The following ABI3BP variants were observed in gnomAD, a reference collection of about 807,000 sequenced individuals.
The protein encoded by ABI3BP is ABI family member 3 binding protein.
ABI3BP carries 216 observed loss-of-function variants against 268.6 expected under a neutral mutation model. The observed-to-expected ratio is 0.80, with a 90% CI of 0.72 to 0.90. The LOEUF is 0.90. Ranked by LOEUF, ABI3BP falls within the 40% of genes least tolerant of loss-of-function variation. The pLI, the probability that ABI3BP is intolerant of heterozygous loss-of-function variation, is 0.00. For missense variants in ABI3BP, 2,090 were observed against 2,182.4 expected (o/e 0.96, Z 0.84); for synonymous variants, 730 against 730.0 (o/e 1.00, Z 0.00).
At chr3:100,914,653 A>G (rs1299451402) in intron 2 of ABI3BP, among the ~76,000 whole-genome samples, 3 of 152,186 alleles carry the variant, frequency 2.0e-5, no homozygotes. Flanking sequence ...GAGCCTCTAC[A>G]TATGAAATGG....
At chr3:100,822,416 A>C (rs2098256808) in intron 38 of ABI3BP, among the ~76,000 whole-genome samples, 173 bp downstream of exon 38, 1 of 152,222 alleles carries the variant, frequency 6.6e-6, no homozygotes, top group Admixed American at 6.5e-5. Context: ...GTTGCTCCAC[A>C]GATCTCCTAA....
chr3:100,887,603 C>T (rs1232954726), intron 4 of ABI3BP, among the ~76,000 whole-genome samples: 2 of 152,036 alleles, frequency 1.3e-5, no homozygotes, highest in Non-Finnish European at 2.9e-5. Flanking sequence ...ATGATGGAAA[C>T]ATACGCATTG....
chr3:100,872,285 T>C (rs1198596007), intron 9 of ABI3BP, among the ~76,000 whole-genome samples: 1 of 152,230 alleles, frequency 6.6e-6, no homozygotes, highest in East Asian at 1.9e-4. Context: ...TCTGGACTTT[T>C]AGTGAATCAT....
intron 51 of ABI3BP, among the ~76,000 whole-genome samples, chr3:100,803,339 C>A (rs1449105958): frequency 7.2e-6 from 1 of 138,224 alleles, no homozygotes. Flanking sequence ...TTTTTTTCTG[C>A]CAAAAGTGGT....
At chr3:100,870,146 A>G (rs2099095988) in intron 9 of ABI3BP, among the ~76,000 whole-genome samples, 1 of 152,184 alleles carries the variant, frequency 6.6e-6, no homozygotes, top group Non-Finnish European at 1.5e-5. Context: ...TTCTCCCTTC[A>G]TGGCATAAAG....
At chr3:100,938,500 C>T (rs191922033) in intron 1 of ABI3BP, among the ~76,000 whole-genome samples, 64 of 152,170 alleles carry the variant, frequency 4.2e-4, no homozygotes, top group Non-Finnish European at 1.9e-4. Context: ...AATGAAGAAT[C>T]ACTGTGAAGA....
intron 1 of ABI3BP, among the ~76,000 whole-genome samples, chr3:100,986,877 T>C (rs1421803787): frequency 2.0e-5 from 3 of 152,192 alleles, no homozygotes; most frequent in Non-Finnish European, 4.4e-5. Flanking sequence ...TCTTTTAAAA[T>C]GTTATTTTAA....
At chr3:100,905,133 C>T (rs987873516) in intron 2 of ABI3BP, among the ~76,000 whole-genome samples, 1 of 152,014 alleles carries the variant, frequency 6.6e-6, no homozygotes, top group Non-Finnish European at 1.5e-5. Context: ...AAGCTGGAAA[C>T]CATCATTCTC....
chr3:100,840,655 T>C (rs11713619), intron 22 of ABI3BP, among the ~76,000 whole-genome samples, 165 bp downstream of exon 22: 13,680 of 152,180 alleles, frequency 0.09, 730 homozygotes, highest in East Asian at 0.15. Context: ...ATACAGTTTA[T>C]AAACTATACC....
At chr3:100,840,725 A>G in intron 22 of ABI3BP, 95 bp downstream of exon 22, 1 of 1,122,906 alleles carries the variant, frequency 8.9e-7, no homozygotes, top group Non-Finnish European at 1.3e-6. Context: ...ACAAAGGGAC[A>G]TTAATGTATT....
intron 1 of ABI3BP, among the ~76,000 whole-genome samples, chr3:100,927,382 C>T (rs1196473843): frequency 6.6e-6 from 1 of 152,102 alleles, no homozygotes; most frequent in African/African-American, 2.4e-5. Flanking sequence ...CCTTATCTTC[C>T]TGGTTTCTAA....
chr3:100,846,541 A>G (rs2098771123), intron 19 of ABI3BP, 95 bp from the exon 20 acceptor site: 1 of 800,880 alleles, frequency 1.2e-6, no homozygotes, highest in East Asian at 2.7e-5. Context: ...TAAACTATAC[A>G]TTAAATGGAA....
chr3:100,792,589 G>T, intron 55 of ABI3BP, 102 bp downstream of exon 55: 2 of 1,177,108 alleles, frequency 1.7e-6, no homozygotes, highest in Non-Finnish European at 2.5e-6. Context: ...AAAAAGTCAA[G>T]TAATCCACTG....
chr3:100,753,826 T>A lies in ABI3BP; in HGVS notation c.4953A>T (p.Pro1651=). The A allele has an allele frequency of 6.2e-7, 1 of 1,611,356 alleles. No homozygotes were observed. The part of the protein sequence containing the change: ...TESADPRVSE[P]VSAGRDAIWT... ...ATTGAGACAGGTACTTACCAGAAAC[T>A]GGCTCACTCACTCTTGGGTCCGCTG... Residue 1651 remains proline (P), a synonymous_variant, in exon 65 of 68, where the codon CCA becomes CCT. Coordinates refer to ENST00000471714, the MANE Select transcript of ABI3BP (RefSeq NM_001375547.2).
At chr3:100,943,798 A>C (rs1027933277) in intron 1 of ABI3BP, among the ~76,000 whole-genome samples, 1 of 152,056 alleles carries the variant, frequency 6.6e-6, no homozygotes, top group Non-Finnish European at 1.5e-5. Flanking sequence ...TACATCTTCC[A>C]GTTGTCTTCA....
chr3:100,877,984 A>G (rs2099180175), intron 6 of ABI3BP, among the ~76,000 whole-genome samples: 3 of 152,274 alleles, frequency 2.0e-5, no homozygotes, highest in South Asian at 2.1e-4. Flanking sequence ...TAAGGTTCTT[A>G]TGTTTTAAAA....
rs952065270 is a variant in ABI3BP at position 100,869,797 on chromosome 3, A to G, written c.911-2841T>C. On this transcript the variant is annotated intron_variant, in intron 9 of 67. Transcript: ENST00000471714. ...ACAACTGCAATCTTGGCAATAGGAAAGTAAAATGCAATCAGAACACAGCCT... is the reference window on the plus strand; with the variant it reads ...ACAACTGCAATCTTGGCAATAGGAAGGTAAAATGCAATCAGAACACAGCCT... Among the ~76,000 whole-genome samples the G allele has an allele frequency of 3.3e-5, 5 of 152,322 alleles. No homozygotes were observed. In the East Asian group the frequency reaches 7.7e-4, roughly 23 times the overall value.
chr3:100,812,577 A>G, intron 45 of ABI3BP, 54 bp from the exon 46 acceptor site: 32 of 1,178,002 alleles, frequency 2.7e-5, no homozygotes, highest in Non-Finnish European at 3.5e-5. Flanking sequence ...GTAAGTATTT[A>G]TAAAAGTGCT....
chr3:100,861,792 C>T (rs2099001761), intron 14 of ABI3BP, among the ~76,000 whole-genome samples: 1 of 152,042 alleles, frequency 6.6e-6, no homozygotes, highest in African/African-American at 2.4e-5. Flanking sequence ...ACTAGGAGAG[C>T]GAGGCCTGGA....
Sources: allele counts gnomAD v4.1 joint callset (sites outside exome capture counted in the v4.1 genomes callset), GRCh38; gene constraint gnomAD v4.1.1; transcripts MANE v1.5; gene names NCBI Gene and HGNC (gene_info 2026-07-23, HGNC 2026-07-21).